The following EIF4G3 variants were observed in gnomAD, a reference collection of about 807,000 sequenced individuals.
EIF4G3 encodes the protein eIF-4-gamma 3.
EIF4G3 carries 34 observed loss-of-function variants against 186.4 expected under a neutral mutation model. The observed-to-expected ratio is 0.18, with a 90% CI of 0.14 to 0.24. The LOEUF (loss-of-function observed/expected upper bound fraction) is 0.24, where lower values mean the gene tolerates loss of function less well. Among genes scored for constraint, EIF4G3 ranks in the 10% least tolerant of loss-of-function variants. The probability of loss-of-function intolerance (pLI) is 1.00; values close to 1 mark genes in which losing one functional copy is unlikely to be tolerated. For synonymous variants in EIF4G3, 673 were observed against 679.5 expected (o/e 0.99, Z 0.15); for missense variants, 1,536 against 1,948.5 (o/e 0.79, Z 3.99).
Position 20,810,937 on chromosome 1 carries a change from A to T in EIF4G3, c.4598-53T>A, listed in dbSNP as rs551840704. Reference sequence around the variant, plus strand: ...ACATTTAAGGAGTTAACATAGAATTATCTTTAATTTTCTTTCTTTTTTCTT... The same window carrying T: ...ACATTTAAGGAGTTAACATAGAATTTTCTTTAATTTTCTTTCTTTTTTCTT... On this transcript the variant is annotated intron_variant, in intron 35 of 36. Coordinates refer to ENST00000602326, the MANE Select transcript of EIF4G3 (RefSeq NM_001391906.1). The surrounding 1 kb of genome is among the most constrained non-coding windows in gnomAD (Gnocchi z 4.1). 34 of 1,540,006 alleles carry T rather than the reference A, an allele frequency of 2.2e-5. No homozygotes were observed. Among genetic ancestry groups the T allele is most frequent in the Non-Finnish European group, 2.8e-5 (32 of 1,132,146 alleles).
In EIF4G3 at chr1:21,029,002, C is replaced by A. The variant is rs558921837; in HGVS notation, c.-67+21864G>T. On this transcript the variant is annotated intron_variant, in intron 4 of 36. Transcript: ENST00000602326. ...GCCGCAAGTGAATCTCCAGCCTCAG[C>A]TTCCCAAAGTGCTGGAATTACTGGC... Among the ~76,000 whole-genome samples, 4 of 152,304 alleles carry A rather than the reference C, an allele frequency of 2.6e-5. No individual in the cohort carries two copies. The East Asian group carries it at 7.7e-4, about 29-fold the overall frequency.
At chr1:21,026,936 C>CA (rs146144076) in intron 4 of EIF4G3, among the ~76,000 whole-genome samples, 41,004 of 88,060 alleles carry the variant, frequency 0.47, 8,415 homozygotes, top group Middle Eastern at 0.57. Context: ...GACACTGTCT[C>CA]AAAAAAAAAA....
chr1:20,979,544 A>G (rs1488920272), intron 10 of EIF4G3, among the ~76,000 whole-genome samples: 1 of 152,216 alleles, frequency 6.6e-6, no homozygotes, highest in Non-Finnish European at 1.5e-5. Flanking sequence ...GTTTGGAGAA[A>G]AAGAGATTGT....
At chr1:20,843,255 C>G (rs1314914669) in intron 29 of EIF4G3, among the ~76,000 whole-genome samples, 4 of 152,012 alleles carry the variant, frequency 2.6e-5, no homozygotes, top group African/African-American at 9.7e-5. Context: ...GTGGCTCACA[C>G]CTGTAATCCC....
In EIF4G3 at chr1:21,041,086, C is replaced by T. The variant is rs2154575136; in HGVS notation, c.-67+9780G>A. 2.0e-5 allele frequency among the ~76,000 whole-genome samples: 3 copies of T among 152,208 alleles called. No homozygotes were observed. The Middle Eastern group carries it at 0.01, about 518-fold the overall frequency. On this transcript the variant is annotated intron_variant, in intron 4 of 36. Coordinates refer to ENST00000602326, the MANE Select transcript of EIF4G3 (RefSeq NM_001391906.1). ...AGTCATTCACTGCTCAATTAAACTC[C>T]TTTAAATTTAATTCGACTACATTTT...
rs533527730 is a variant in EIF4G3 at position 20,840,741 on chromosome 1, G to A, written c.4061+115C>T. The A allele has an allele frequency of 2.2e-4, 201 of 912,180 alleles. 1 individual carries two copies. The highest frequency in any genetic ancestry group is 2.1e-3 in the Middle Eastern group (6 of 2,814). The allele number at this position is 912,180 out of a possible 1,614,324, so 56.5% of individuals were successfully genotyped here. ...TTGCATCATATCAACATATTACAGT[G>A]GATACAATTTTCATCTATGGAAAAA... On this transcript the variant is annotated intron_variant, in intron 30 of 36. Coordinates refer to ENST00000602326, the MANE Select transcript of EIF4G3 (RefSeq NM_001391906.1).
At chr1:21,068,375 T>TA (rs869306512) in intron 3 of EIF4G3, among the ~76,000 whole-genome samples, 2,185 of 67,788 alleles carry the variant, frequency 0.032, 82 homozygotes, top group Middle Eastern at 0.092. Flanking sequence ...ACTCTGTCTT[T>TA]AAAAAAAAAA....
chr1:20,989,326 C>T (rs1250157209), intron 7 of EIF4G3, among the ~76,000 whole-genome samples: 1 of 150,844 alleles, frequency 6.6e-6, no homozygotes, highest in Admixed American at 6.6e-5. Flanking sequence ...GAAGTGGAGG[C>T]GGGTGGATCA....
At position 20,879,462 on chromosome 1, in the gene EIF4G3, T is replaced by C; in HGVS notation, c.2483A>G (p.Gln828Arg). The change falls in exon 20 of 37, where the codon CAA becomes CGA. Residue 828 changes from glutamine (Q) to arginine (R), a missense_variant. By Grantham distance (43) the Gln-to-Arg change is conservative. Around this residue, in one of 11 missense-constraint regions of EIF4G3, gnomAD observed 139 missense variants for 192.8 expected, o/e 0.72. Coordinates refer to ENST00000602326, the MANE Select transcript of EIF4G3 (RefSeq NM_001391906.1). ...LNKLTPQMFNQLMKQVSGLTV... is the reference protein window; with the variant it reads ...LNKLTPQMFNRLMKQVSGLTV... ...AAGTCCTGACACTTGCTTCATCAGT[T>C]GATTGAACATCTGTGGTGTCAATTT... 6.4e-7 allele frequency: 1 copy of C among 1,564,286 alleles called. No homozygotes were observed. Among genetic ancestry groups the C allele is most frequent in the Non-Finnish European group, 8.7e-7 (1 of 1,155,296 alleles).
intron 20 of EIF4G3, among the ~76,000 whole-genome samples, chr1:20,875,759 A>T (rs1213269367): frequency 6.6e-6 from 1 of 152,146 alleles, no homozygotes; most frequent in African/African-American, 2.4e-5. Context: ...AAAAAATTTA[A>T]AGATTAACTG....
At chr1:20,925,224 C>T (rs6692677) in intron 14 of EIF4G3, among the ~76,000 whole-genome samples, 64,916 of 151,898 alleles carry the variant, frequency 0.43, 14,198 homozygotes, top group Non-Finnish European at 0.45. Flanking sequence ...GTAAGATATA[C>T]AGAAAAGCCA....
chr1:21,027,338 G>A (rs2092267310), intron 4 of EIF4G3, among the ~76,000 whole-genome samples: 1 of 151,232 alleles, frequency 6.6e-6, no homozygotes, highest in South Asian at 2.1e-4. Context: ...GACTACAGGT[G>A]CGTGCCACCA....
chr1:21,157,945 C>T (rs2097692570), intron 2 of EIF4G3, among the ~76,000 whole-genome samples: 1 of 152,114 alleles, frequency 6.6e-6, no homozygotes, highest in East Asian at 1.9e-4. Flanking sequence ...GGAATAATGA[C>T]TTTTCTCTCA....
chr1:20,965,559 A>G (rs757652815), intron 12 of EIF4G3, among the ~76,000 whole-genome samples: 3 of 152,122 alleles, frequency 2.0e-5, no homozygotes, highest in Non-Finnish European at 4.4e-5. Context: ...CTCTCCTTCA[A>G]TGAATTTCTC....
chr1:20,998,758 G>T (rs993450915), intron 6 of EIF4G3: 10 of 346,306 alleles, frequency 2.9e-5, no homozygotes, highest in East Asian at 1.6e-4. Flanking sequence ...ATACTAATAC[G>T]TTAGCTATTG....
At chr1:21,160,627 C>A (rs561171467) in intron 2 of EIF4G3, among the ~76,000 whole-genome samples, 1 of 152,248 alleles carries the variant, frequency 6.6e-6, no homozygotes, top group East Asian at 1.9e-4. Flanking sequence ...GAATGCATAA[C>A]CTCGCCCCAT....
At chr1:21,170,231 T>A (rs1403393071) in intron 2 of EIF4G3, among the ~76,000 whole-genome samples, 2 of 152,014 alleles carry the variant, frequency 1.3e-5, no homozygotes, top group Non-Finnish European at 2.9e-5. Flanking sequence ...ATTTACAGAC[T>A]GCCTACTGTC....
At chr1:20,905,866 A>G (rs2091923260) in intron 14 of EIF4G3, among the ~76,000 whole-genome samples, 1 of 152,010 alleles carries the variant, frequency 6.6e-6, no homozygotes, top group African/African-American at 2.4e-5. Context: ...AAATAAACAC[A>G]AAGCTAAAGG....
chr1:20,979,087 A>C (rs1340395169), intron 10 of EIF4G3, among the ~76,000 whole-genome samples: 1 of 152,174 alleles, frequency 6.6e-6, no homozygotes. Context: ...CTGAATCTCA[A>C]AACTTAATTT....
Sources: allele counts gnomAD v4.1 joint callset (sites outside exome capture counted in the v4.1 genomes callset), GRCh38; gene constraint gnomAD v4.1.1; regional missense constraint gnomAD v4.1.1; non-coding constraint Gnocchi (gnomAD v3.1); transcripts MANE v1.5; gene names NCBI Gene and HGNC (gene_info 2026-07-23, HGNC 2026-07-21).